Variants in GP6 observed in about 807,000 individuals in gnomAD.
GP6 encodes the protein glycoprotein VI platelet, also known as platelet glycoprotein VI.
Under a neutral mutation model 37.3 loss-of-function variants are expected in GP6, and 45 were observed. The observed-to-expected ratio is 1.21, with a 90% confidence interval of 0.95 to 1.55. The LOEUF (loss-of-function observed/expected upper bound fraction) is 1.55. Ranked by LOEUF, GP6 falls within the 40% of genes most tolerant of loss-of-function variation. The pLI, the probability that GP6 is intolerant of heterozygous loss-of-function variation, is 0.00. For missense variants in GP6, 813 were observed against 760.2 expected, an observed-to-expected ratio of 1.07 and a Z score of -0.82; for synonymous variants, 340 against 316.4, an observed-to-expected ratio of 1.07 and a Z score of -0.79.
chr19:55,016,444 C>T (rs1188379560), intron 6 of GP6, among the ~76,000 whole-genome samples: 4 of 144,748 alleles, frequency 2.8e-5, no homozygotes, highest in African/African-American at 1.0e-4. Flanking sequence ...GGCCCGATGT[C>T]GGCTCACTTC....
chr19:55,035,003 C>T (rs952908199), intron 1 of GP6, among the ~76,000 whole-genome samples: 3 of 152,192 alleles, frequency 2.0e-5, no homozygotes, highest in African/African-American at 7.2e-5. Context: ...ACCTCAGCCT[C>T]TTTGTAGGTT....
In GP6 at chr19:55,032,393, G is replaced by C; in HGVS notation, c.71C>G (p.Pro24Arg). The C allele has an allele frequency of 1.2e-6, 2 of 1,612,554 alleles. No individual in the cohort carries two copies. The highest frequency in any genetic ancestry group is 1.7e-6 in the Non-Finnish European group (2 of 1,179,208). Residue 24 changes from proline (P) to arginine (R), a missense_variant, in exon 3 of 8, where the codon CCG becomes CGG. Pro to Arg is a moderately radical substitution (Grantham distance 103). Transcript: ENST00000310373. ...AGCCTGGAGGGAGGGCTTGGGGAGC[G>C]GTCCTGGAAGAGGAGCAGGGCTGGG...
intron 5 of GP6, among the ~76,000 whole-genome samples, chr19:55,019,107 CTTT>C (rs538058206): frequency 3.0e-5 from 4 of 132,870 alleles, no homozygotes; most frequent in African/African-American, 5.6e-5. Context: ...TCTTTTTTTT[CTTT>C]TTTTTTTTTT....
In GP6 at chr19:55,015,675, TTAC is replaced by T; in HGVS notation, c.779+1_779+3del. The T allele has an allele frequency of 2.0e-6, 3 of 1,531,190 alleles. No individual in the cohort carries two copies. The highest frequency in any genetic ancestry group is 2.7e-6 in the Non-Finnish European group (3 of 1,103,966). The allele number at this position is 1,531,190 out of a possible 1,614,324, so 94.9% of individuals were successfully genotyped here. On this transcript the variant is annotated splice_donor_variant and splice_donor_region_variant and intron_variant, in intron 7 of 7. Transcript: ENST00000310373. LOFTEE classifies it high-confidence loss of function. The stretch of plus-strand genomic sequence containing the variant: ...AGGAAGGGGGTCTGGAGAGGATGAC[TTAC>T]TCACCAGCTGGAGAGTCTGACTCCT...
intron 5 of GP6, 150 bp downstream of exon 5, chr19:55,025,068 T>A: frequency 1.4e-6 from 1 of 700,888 alleles, no homozygotes; most frequent in South Asian, 1.5e-5. Flanking sequence ...ACCCACCCTG[T>A]TTACAGGCAG....
intron 5 of GP6, among the ~76,000 whole-genome samples, chr19:55,024,322 A>G (rs375909087): frequency 3.3e-4 from 46 of 138,668 alleles, no homozygotes; most frequent in Non-Finnish European, 4.2e-4. Context: ...GCACGCACAC[A>G]CACATATGCA....
Position 55,014,601 on chromosome 19 carries a change from T to C in GP6, c.1344A>G (p.Ile448Met). 2 of 1,613,796 alleles carry C rather than the reference T, an allele frequency of 1.2e-6. No individual in the cohort carries two copies. The highest frequency in any genetic ancestry group is 1.1e-5 in the South Asian group (1 of 91,062). ...ACCTTAGAGATCCGTCTGGAGCCCA[T>C]ATTAGAGAGGTTGAAGAAAGAGGCC... The change falls in exon 8 of 8, where the codon ATA (isoleucine) becomes ATG (methionine). Residue 448 changes from isoleucine to methionine, a missense_variant. Ile to Met is a conservative substitution (Grantham distance 10). Coordinates refer to ENST00000310373, the MANE Select transcript of GP6 (RefSeq NM_001083899.2).
At chr19:55,032,875 G>GTGTTAGACGCGGTGGGCTCGTTCA (rs2146880825) in intron 1 of GP6, 2 of 410,036 alleles carry the variant, frequency 4.9e-6, no homozygotes, top group African/African-American at 4.6e-5. Flanking sequence ...GGGCTCGTTC[G>GTGTTAGACGCGGTGGGCTCGTTCA]TGTTAGACAC....
At chr19:55,029,244 A>ATTTGT (rs143221654) in intron 3 of GP6, among the ~76,000 whole-genome samples, 22,420 of 131,022 alleles carry the variant, frequency 0.17, 2,753 homozygotes, top group Non-Finnish European at 0.24. Context: ...TTGTTGTTTC[A>ATTTGT]TTTGTTTTGT....
Position 55,014,792 on chromosome 19 carries a change from C to A in GP6, c.1153G>T (p.Ala385Ser). ...TCCCTGATGGAACACCAGGAGGAGG[C>A]AGCATGGCCTCGTTTCCACAGCTGT... is the stretch of plus-strand genomic sequence containing the variant. Residue 385 changes from alanine to serine, a missense_variant, in exon 8 of 8, where the codon GCC becomes TCC. Ala to Ser is a moderately conservative substitution (Grantham distance 99). Coordinates refer to ENST00000310373, the MANE Select transcript of GP6 (RefSeq NM_001083899.2). 6.2e-7 allele frequency: 1 copy of A among 1,613,840 alleles called. No individual in the cohort carries two copies. The highest frequency in any genetic ancestry group is 1.1e-5 in the South Asian group (1 of 91,034).
rs1735600770 is a variant in GP6, at chr19:55,032,341, C to T, written c.123G>A (p.Glu41=). 4 of 1,614,038 alleles carry T rather than the reference C, an allele frequency of 2.5e-6. No homozygotes were observed. Among genetic ancestry groups the T allele is most frequent in the Non-Finnish European group, 3.4e-6 (4 of 1,179,980 alleles). ...CCTGGCACCGGAGGGTCACTGGCTTCTCCAGGGGCACCAGGGAGCTGGGCA... is the reference window on the plus strand; with the variant it reads ...CCTGGCACCGGAGGGTCACTGGCTTTTCCAGGGGCACCAGGGAGCTGGGCA... The change falls in exon 3 of 8, where the codon GAG becomes GAA. Residue 41 remains glutamate (E), a synonymous_variant. Coordinates refer to ENST00000310373, the MANE Select transcript of GP6 (RefSeq NM_001083899.2).
chr19:55,023,765 C>A (rs2074165731), intron 5 of GP6, among the ~76,000 whole-genome samples: 1 of 152,190 alleles, frequency 6.6e-6, no homozygotes, highest in African/African-American at 2.4e-5. Context: ...TCAAAAGGAA[C>A]ACATCATTGA....
At chr19:55,024,332 ACG>A (rs2074214286) in intron 5 of GP6, among the ~76,000 whole-genome samples, 1 of 81,100 alleles carries the variant, frequency 1.2e-5, no homozygotes. Flanking sequence ...ACACATATGC[ACG>A]CACACACGCA....
At chr19:55,015,533 A>G in intron 7 of GP6, 150 bp downstream of exon 7, 1 of 686,720 alleles carries the variant, frequency 1.5e-6, no homozygotes, top group South Asian at 1.6e-5. Flanking sequence ...TTAATGCCCA[A>G]TTCTGAACCC....
At chr19:55,033,717 T>C (rs1235442765) in intron 1 of GP6, among the ~76,000 whole-genome samples, 1 of 152,186 alleles carries the variant, frequency 6.6e-6, no homozygotes, top group Non-Finnish European at 1.5e-5. Flanking sequence ...TACTATTGCA[T>C]ATTGTATATT....
At chr19:55,015,460 G>A (rs1178894405) in intron 7 of GP6, among the ~76,000 whole-genome samples, 2 of 152,160 alleles carry the variant, frequency 1.3e-5, no homozygotes, top group African/African-American at 4.8e-5. Flanking sequence ...TATAAGGGGT[G>A]GGGAAGAGAT....
intron 1 of GP6, among the ~76,000 whole-genome samples, chr19:55,037,395 T>C (rs10422979): frequency 0.19 from 28,755 of 150,576 alleles, 2,881 homozygotes; most frequent in East Asian, 0.23. Context: ...CAGAGTGCAA[T>C]GGTGTGATCT....
At chr19:55,035,099 G>A (rs186013966) in intron 1 of GP6, among the ~76,000 whole-genome samples, 3 of 152,288 alleles carry the variant, frequency 2.0e-5, no homozygotes, top group East Asian at 3.9e-4. Flanking sequence ...CGCCATAATC[G>A]TACGGGTTAC....
chr19:55,037,361 G>A (rs2074870992), intron 1 of GP6, among the ~76,000 whole-genome samples: 1 of 147,384 alleles, frequency 6.8e-6, no homozygotes. Flanking sequence ...TTTTGAGACG[G>A]AGTTTCGCTC....
Sources: allele counts gnomAD v4.1 joint callset (sites outside exome capture counted in the v4.1 genomes callset), GRCh38; gene constraint gnomAD v4.1.1; transcripts MANE v1.5; gene names NCBI Gene and HGNC (gene_info 2026-07-23, HGNC 2026-07-21).